Variants in HERC2 observed in about 807,000 individuals in gnomAD.
HERC2 encodes E3 ubiquitin-protein ligase HERC2.
HERC2 carries 102 observed loss-of-function variants against 537.7 expected under a neutral mutation model. That is an observed-to-expected ratio of 0.19 (90% CI 0.16 to 0.22). The LOEUF (loss-of-function observed/expected upper bound fraction) is 0.22. Ranked by LOEUF, HERC2 falls within the 10% of genes least tolerant of loss-of-function variation. HERC2 has a pLI of 1.00. For synonymous variants in HERC2, 2,224 were observed against 2,466.2 expected (o/e 0.90, Z 2.91); for missense variants, 4,236 against 6,198.2 (o/e 0.68, Z 10.63).
chr15:28,144,746 C>A lies in HERC2; in HGVS notation c.11067G>T (p.Trp3689Cys). 6.2e-7 allele frequency: 1 copy of A among 1,614,222 alleles called. No homozygotes were observed. Among genetic ancestry groups the A allele is most frequent in the African/African-American group, 1.3e-5 (1 of 75,058 alleles). ...TCACAGACCCATCGCTGATGAACTT[C>A]CACTTTAACTCATCCCCTGGGATGC... is the stretch of plus-strand genomic sequence containing the variant. ...ELRIPGDELK[W>C]KFISDGSVNG... Residue 3689 changes from tryptophan (W) to cysteine (C), a missense_variant, in exon 72 of 93, where the codon TGG becomes TGT. Transcript: ENST00000261609.
At chr15:28,305,767 G>C (rs9707873) in intron 2 of HERC2, among the ~76,000 whole-genome samples, 18 of 142,884 alleles carry the variant, frequency 1.3e-4, no homozygotes, top group Non-Finnish European at 2.4e-4. Flanking sequence ...GAAAATTTTC[G>C]CAACCTACTC....
At chr15:28,171,353 A>G (rs1894677830) in intron 65 of HERC2, among the ~76,000 whole-genome samples, 1 of 152,236 alleles carries the variant, frequency 6.6e-6, no homozygotes, top group South Asian at 2.1e-4. Context: ...CAAAAGTTAT[A>G]CATATAATGT....
intron 2 of HERC2, chr15:28,315,549 C>G (rs2077059419): frequency 2.3e-6 from 1 of 431,840 alleles, no homozygotes; most frequent in Non-Finnish European, 4.6e-6. Context: ...ACTCCCAGCA[C>G]TTTGGGAGGC....
chr15:28,278,609 AT>A (rs2075941206), intron 5 of HERC2, among the ~76,000 whole-genome samples: 1 of 152,232 alleles, frequency 6.6e-6, no homozygotes, highest in Non-Finnish European at 1.5e-5. Flanking sequence ...ATATTTAAAC[AT>A]AAGGAAACAA....
chr15:28,138,154 G>A (rs566083262), intron 78 of HERC2, among the ~76,000 whole-genome samples: 4 of 152,328 alleles, frequency 2.6e-5, no homozygotes, highest in Middle Eastern at 3.4e-3. Flanking sequence ...AAGGAAAGAC[G>A]CCGTCTTCAT....
intron 2 of HERC2, among the ~76,000 whole-genome samples, chr15:28,319,109 T>C (rs1216391182): frequency 3.3e-5 from 5 of 151,804 alleles, no homozygotes; most frequent in African/African-American, 1.2e-4. Flanking sequence ...GGAAACCATG[T>C]CTTATTCCTT....
At chr15:28,210,750 C>T (rs1289923171) in intron 44 of HERC2, among the ~76,000 whole-genome samples, 1 of 152,072 alleles carries the variant, frequency 6.6e-6, no homozygotes, top group Non-Finnish European at 1.5e-5. Flanking sequence ...CTTGCTGACC[C>T]ATGCAGCACA....
chr15:28,116,364 C>T (rs1326452516), intron 88 of HERC2, among the ~76,000 whole-genome samples: 1 of 151,952 alleles, frequency 6.6e-6, no homozygotes, highest in African/African-American at 2.4e-5. Context: ...CAGGTGCATG[C>T]CACCACAGCC....
rs879849029 is a variant in HERC2 at position 28,268,752 on chromosome 15, G to C, written c.1447-136C>G. The stretch of plus-strand genomic sequence containing the variant: ...GGGGCATAAGTCTCTGGGAACTACG[G>C]GGCCGGCTCTCCAGCCCTTCCCACC... On this transcript the variant is annotated intron_variant, in intron 11 of 92. Coordinates refer to ENST00000261609, the MANE Select transcript of HERC2 (RefSeq NM_004667.6). The surrounding 1 kb of genome is among the most constrained non-coding windows in gnomAD (Gnocchi z 4.7). The C allele has an allele frequency of 2.1e-5, 15 of 728,826 alleles. No individual in the cohort carries two copies. Among genetic ancestry groups the C allele is most frequent in the Non-Finnish European group, 3.2e-5 (14 of 443,980 alleles). The allele number at this position is 728,826 out of a possible 1,614,324, so 45.1% of individuals were successfully genotyped here.
At chr15:28,207,885 G>A (rs1308947129) in intron 44 of HERC2, among the ~76,000 whole-genome samples, 5 of 151,886 alleles carry the variant, frequency 3.3e-5, no homozygotes, top group Non-Finnish European at 7.3e-5. Flanking sequence ...GAGACGATGT[G>A]TAAACAAGTG....
Position 28,175,663 on chromosome 15 carries a change from G to A in HERC2, c.9687-7C>T. 6.2e-7 allele frequency: 1 copy of A among 1,614,112 alleles called. No individual in the cohort carries two copies. The highest frequency in any genetic ancestry group is 8.5e-7 in the Non-Finnish European group (1 of 1,179,988). ...GAAGTAATCCCCCTTTCCCCTGAGA[G>A]AAGGCCCATGGTGGAGAGTTACAAT... is the stretch of plus-strand genomic sequence containing the variant. On this transcript the variant is annotated splice_region_variant and splice_polypyrimidine_tract_variant and intron_variant, in intron 63 of 92. Transcript: ENST00000261609.
chr15:28,301,415 A>C (rs1303097146), intron 2 of HERC2, among the ~76,000 whole-genome samples: 1 of 151,432 alleles, frequency 6.6e-6, no homozygotes. Context: ...ACTTTACCTC[A>C]AACAAAAAAA....
intron 3 of HERC2, among the ~76,000 whole-genome samples, chr15:28,298,150 GTTTT>G (rs1355374684): frequency 6.0e-5 from 9 of 149,878 alleles, no homozygotes; most frequent in African/African-American, 1.7e-4. Context: ...TTTGTTTTGT[GTTTT>G]TTGTTTTTTT....
chr15:28,297,376 A>G (rs2076497444), intron 3 of HERC2, among the ~76,000 whole-genome samples: 1 of 152,174 alleles, frequency 6.6e-6, no homozygotes, highest in South Asian at 2.1e-4. Flanking sequence ...AATCACTTAG[A>G]AAAATGTATT....
rs373399401 is a variant in HERC2, at chr15:28,130,830, G to C, written c.12571-236C>G. On this transcript the variant is annotated intron_variant, in intron 81 of 92. Transcript: ENST00000261609. ...TGTGGCCCGGTGGGACCCAGCACAG[G>C]GCACCAGAAATGGGAGCTTTGCAGG... Among the ~76,000 whole-genome samples the C allele has an allele frequency of 5.3e-5, 8 of 152,290 alleles. No individual in the cohort carries two copies. The East Asian group carries it at 9.7e-4, about 18-fold the overall frequency.
At chr15:28,160,776 C>T (rs924327871) in intron 69 of HERC2, among the ~76,000 whole-genome samples, 5 of 152,338 alleles carry the variant, frequency 3.3e-5, no homozygotes, top group African/African-American at 1.2e-4. Context: ...GTGAGATGAA[C>T]CTGGTATCTC....
intron 2 of HERC2, among the ~76,000 whole-genome samples, chr15:28,303,297 C>T (rs1244652325): frequency 3.9e-5 from 6 of 152,184 alleles, no homozygotes; most frequent in African/African-American, 1.4e-4. Flanking sequence ...GCACCTCTGT[C>T]AAAGGTGAGT....
rs1434913701 is a variant in HERC2, at chr15:28,202,113, C to G, written c.7617G>C (p.Met2539Ile). 3 of 1,522,708 alleles carry G rather than the reference C, an allele frequency of 2.0e-6. No individual in the cohort carries two copies. The highest frequency in any genetic ancestry group is 2.7e-6 in the Non-Finnish European group (3 of 1,106,980). The allele number at this position is 1,522,708 out of a possible 1,614,324, so 94.3% of individuals were successfully genotyped here. The change falls in exon 47 of 93, where the codon ATG becomes ATC. Residue 2539 changes from methionine to isoleucine, a missense_variant and splice_region_variant. Transcript: ENST00000261609. ...GGGCGGTCACATGGGAGGCACTGAC[C>G]ATGGAGTAGGCGGCATCATCCACGT... ...VEDVDDAAYSMSTGAVVTESQ... is the reference protein window; with the variant it reads ...VEDVDDAAYSISTGAVVTESQ...
At chr15:28,291,314 T>G (rs2076304311) in intron 4 of HERC2, among the ~76,000 whole-genome samples, 1 of 152,132 alleles carries the variant, frequency 6.6e-6, no homozygotes, top group Non-Finnish European at 1.5e-5. Flanking sequence ...AGCCGCAAAC[T>G]GCTGGCCTCA....
Sources: allele counts gnomAD v4.1 joint callset (sites outside exome capture counted in the v4.1 genomes callset), GRCh38; gene constraint gnomAD v4.1.1; non-coding constraint Gnocchi (gnomAD v3.1); transcripts MANE v1.5; gene names NCBI Gene and HGNC (gene_info 2026-07-23, HGNC 2026-07-21).